The following CDIN1 variants were observed in gnomAD, a reference collection of about 807,000 sequenced individuals.
CDIN1 encodes the protein CDAN1-interacting nuclease 1.
A neutral mutation model predicts 45.3 loss-of-function variants in CDIN1; 33 were observed. The observed-to-expected ratio is 0.73, with a 90% confidence interval of 0.55 to 0.97. The LOEUF (loss-of-function observed/expected upper bound fraction) is 0.97. CDIN1 is among the 50% of genes least tolerant of loss of function. The probability of loss-of-function intolerance (pLI) is 0.00; values close to 1 mark genes in which losing one functional copy is unlikely to be tolerated. For missense variants in CDIN1, 303 were observed against 339.4 expected (o/e 0.89, Z 0.84); for synonymous variants, 118 against 124.4 (o/e 0.95, Z 0.34).
intron 5 of CDIN1, among the ~76,000 whole-genome samples, chr15:36,663,717 G>A (rs1458325442): frequency 6.6e-6 from 1 of 152,072 alleles, no homozygotes. Context: ...TCCACTCAAG[G>A]AAGCAAATTG....
intron 10 of CDIN1, among the ~76,000 whole-genome samples, chr15:36,722,303 A>ATCTCTCTCTC (rs5811928): frequency 0.056 from 7,845 of 140,574 alleles, 293 homozygotes; most frequent in African/African-American, 0.093. Context: ...TTCTTTTGAG[A>ATCTCTCTCTC]TCTCTCTCTC....
chr15:36,714,219 G>T (rs958457752), intron 10 of CDIN1, among the ~76,000 whole-genome samples: 1 of 152,106 alleles, frequency 6.6e-6, no homozygotes, highest in African/African-American at 2.4e-5. Context: ...ATGAAATAGA[G>T]CATAAATGTA....
chr15:36,784,785 T>TC (rs575546077), intron 10 of CDIN1, among the ~76,000 whole-genome samples: 147 of 152,264 alleles, frequency 9.7e-4, no homozygotes, highest in African/African-American at 3.4e-3. Flanking sequence ...TTGATATCTC[T>TC]CCTCCTCTTT....
chr15:36,722,307 C>CTCTCTCTCTCTCTG (rs2043450180), intron 10 of CDIN1, among the ~76,000 whole-genome samples: 2 of 58,374 alleles, frequency 3.4e-5, no homozygotes, highest in Non-Finnish European at 8.9e-5. Flanking sequence ...TTTGAGATCT[C>CTCTCTCTCTCTCTG]TCTCTCTCTC....
At chr15:36,671,258 C>T (rs754845987) in intron 5 of CDIN1, among the ~76,000 whole-genome samples, 15 of 152,056 alleles carry the variant, frequency 9.9e-5, no homozygotes, top group Non-Finnish European at 2.2e-4. Flanking sequence ...TCATCTGTTG[C>T]GTGTTCTTTG....
At chr15:36,632,278 C>T (rs2039712071) in intron 1 of CDIN1, among the ~76,000 whole-genome samples, 2 of 152,182 alleles carry the variant, frequency 1.3e-5, no homozygotes, top group Non-Finnish European at 2.9e-5. Context: ...ACATTCTGCT[C>T]CCTAGTCTCC....
intron 10 of CDIN1, among the ~76,000 whole-genome samples, chr15:36,794,871 A>G (rs559706993): frequency 6.6e-6 from 1 of 152,360 alleles, no homozygotes; most frequent in East Asian, 1.9e-4. Context: ...ACAAAGATAT[A>G]GAATCAACCT....
At chr15:36,613,823 A>G in intron 1 of CDIN1, 1 of 1,601,932 alleles carries the variant, frequency 6.2e-7, no homozygotes, top group Admixed American at 1.7e-5. Flanking sequence ...AGCTAAGCAC[A>G]TTGCAGAAGA....
intron 1 of CDIN1, among the ~76,000 whole-genome samples, chr15:36,639,506 T>G (rs1206331379): frequency 1.3e-5 from 2 of 152,032 alleles, no homozygotes; most frequent in Non-Finnish European, 2.9e-5. Flanking sequence ...GGACAATAGC[T>G]TGAACCAGGA....
chr15:36,754,636 C>T (rs1025209324), intron 10 of CDIN1, among the ~76,000 whole-genome samples: 4 of 150,570 alleles, frequency 2.7e-5, no homozygotes, highest in Non-Finnish European at 5.9e-5. Flanking sequence ...ATATTTATCC[C>T]CCTTACATGT....
At chr15:36,587,513 G>C (rs986650473) in intron 1 of CDIN1, among the ~76,000 whole-genome samples, 3 of 152,026 alleles carry the variant, frequency 2.0e-5, no homozygotes, top group African/African-American at 7.2e-5. Context: ...GTAAGGAGTG[G>C]AGTAGCTAAA....
intron 3 of CDIN1, among the ~76,000 whole-genome samples, chr15:36,648,068 T>C (rs2040413536): frequency 6.6e-6 from 1 of 152,112 alleles, no homozygotes; most frequent in Non-Finnish European, 1.5e-5. Flanking sequence ...CTCGATCTCC[T>C]GACCTTGTGA....
intron 5 of CDIN1, among the ~76,000 whole-genome samples, chr15:36,671,710 C>T (rs532602825): frequency 5.3e-5 from 8 of 152,192 alleles, no homozygotes; most frequent in African/African-American, 1.7e-4. Context: ...GGATTTAGTT[C>T]ATTCGTCAGG....
At position 36,739,241 on chromosome 15, in the gene CDIN1, C is replaced by A. The variant is rs187597893; in HGVS notation, c.716+29280C>A. On this transcript the variant is annotated intron_variant, in intron 10 of 10. Coordinates refer to ENST00000566621, the MANE Select transcript of CDIN1 (RefSeq NM_001321759.2). ...ACCCTGTTTCAACAACAACAAAAAA[C>A]AAAAACAAATTTAAAAAGCCAGACA... Among the ~76,000 whole-genome samples, 388 of 152,140 alleles carry A rather than the reference C, an allele frequency of 2.6e-3. 5 individuals are homozygous for A. Among genetic ancestry groups the A allele is most frequent in the African/African-American group, 9.0e-3 (375 of 41,494 alleles).
intron 5 of CDIN1, among the ~76,000 whole-genome samples, chr15:36,684,243 C>T (rs1301498578): frequency 6.6e-6 from 1 of 150,946 alleles, no homozygotes; most frequent in Non-Finnish European, 1.5e-5. Context: ...TTTTGAAATA[C>T]GTCCCATCAA....
chr15:36,739,240 A>C (rs936443250), intron 10 of CDIN1, among the ~76,000 whole-genome samples: 57 of 152,186 alleles, frequency 3.7e-4, no homozygotes, highest in African/African-American at 1.2e-3. Flanking sequence ...ACAACAAAAA[A>C]CAAAAACAAA....
At chr15:36,758,368 T>C (rs530161065) in intron 10 of CDIN1, among the ~76,000 whole-genome samples, 9 of 152,292 alleles carry the variant, frequency 5.9e-5, no homozygotes, top group African/African-American at 1.4e-4. Context: ...TTTTGTTTCA[T>C]TGGGGACAAT....
chr15:36,800,924 T>TATATATATATATATATAC (rs2055021583), intron 10 of CDIN1, among the ~76,000 whole-genome samples: 1 of 101,806 alleles, frequency 9.8e-6, no homozygotes, highest in Non-Finnish European at 1.9e-5. Context: ...TATATATATA[T>TATATATATATATATATAC]ATATATATAT....
chr15:36,701,751 T>G (rs928856196), intron 8 of CDIN1, among the ~76,000 whole-genome samples: 3 of 152,196 alleles, frequency 2.0e-5, no homozygotes, highest in African/African-American at 4.8e-5. Context: ...GCTGTGCCCC[T>G]GCCTCACCCT....
Sources: allele counts gnomAD v4.1 joint callset (sites outside exome capture counted in the v4.1 genomes callset), GRCh38; gene constraint gnomAD v4.1.1; transcripts MANE v1.5; gene names NCBI Gene and HGNC (gene_info 2026-07-23, HGNC 2026-07-21).